Variants in ST6GALNAC3 observed in about 807,000 individuals in gnomAD.
ST6GALNAC3 encodes ST6 N-acetylgalactosaminide alpha-2,6-sialyltransferase 3, also known as alpha-N-acetylgalactosaminide alpha-2,6-sialyltransferase 3.
In ST6GALNAC3, 25 loss-of-function variants were observed where a neutral mutation model predicts 32.7. The observed-to-expected ratio is 0.76, with a 90% CI of 0.56 to 1.07. The LOEUF is 1.07. Among genes scored for constraint, ST6GALNAC3 ranks in the 50% least tolerant of loss-of-function variants. The probability of loss-of-function intolerance (pLI) is 0.00; values close to 1 mark genes in which losing one functional copy is unlikely to be tolerated. For synonymous variants in ST6GALNAC3, 129 were observed against 133.1 expected (o/e 0.97, Z 0.21); for missense variants, 355 against 382.4 (o/e 0.93, Z 0.60).
intron 1 of ST6GALNAC3, among the ~76,000 whole-genome samples, chr1:76,285,753 G>A (rs1659739308): frequency 1.3e-5 from 2 of 152,104 alleles, no homozygotes; most frequent in Admixed American, 6.5e-5. Flanking sequence ...ATAGATAGAT[G>A]CAGAGAGATT....
chr1:76,462,290 C>T (rs1369767292), intron 3 of ST6GALNAC3, among the ~76,000 whole-genome samples: 1 of 152,110 alleles, frequency 6.6e-6, no homozygotes, highest in Non-Finnish European at 1.5e-5. Context: ...TGCTCTCTCC[C>T]CCAACTCTTA....
rs1411091351 is a variant in ST6GALNAC3, at chr1:76,252,486, C to T, written c.19-61319C>T. 2.6e-5 allele frequency among the ~76,000 whole-genome samples: 4 copies of T among 152,208 alleles called. No homozygotes were observed. The East Asian group carries it at 7.7e-4, about 29-fold the overall frequency. On this transcript the variant is annotated intron_variant, in intron 1 of 4. Coordinates refer to ENST00000328299, the MANE Select transcript of ST6GALNAC3 (RefSeq NM_152996.4). ...AAAAAGTGTGTATCTGTTATCTAAC[C>T]AGCCTGGGAAAATACAGATGATATT...
At chr1:76,236,957 C>G (rs1215433336) in intron 1 of ST6GALNAC3, among the ~76,000 whole-genome samples, 1 of 152,070 alleles carries the variant, frequency 6.6e-6, no homozygotes, top group Non-Finnish European at 1.5e-5. Flanking sequence ...AACAGAGTCC[C>G]TGAACCTGTG....
intron 3 of ST6GALNAC3, among the ~76,000 whole-genome samples, chr1:76,479,103 G>T (rs146771394): frequency 7.0e-4 from 107 of 152,168 alleles, no homozygotes; most frequent in African/African-American, 2.4e-3. Flanking sequence ...CTGTAAGTAT[G>T]CTTAACCTGG....
chr1:76,112,975 G>T (rs991665200), intron 1 of ST6GALNAC3, among the ~76,000 whole-genome samples: 83 of 152,264 alleles, frequency 5.5e-4, no homozygotes, highest in African/African-American at 1.4e-3. Flanking sequence ...ACTTTGGGGG[G>T]CCAAGGCAGG....
intron 2 of ST6GALNAC3, among the ~76,000 whole-genome samples, chr1:76,349,173 C>A (rs764508931): frequency 2.0e-5 from 3 of 152,134 alleles, no homozygotes; most frequent in Non-Finnish European, 4.4e-5. Context: ...CCCCTAGACT[C>A]TCATAGGGAA....
At chr1:76,469,311 A>G (rs1287468836) in intron 3 of ST6GALNAC3, among the ~76,000 whole-genome samples, 1 of 152,058 alleles carries the variant, frequency 6.6e-6, no homozygotes, top group East Asian at 1.9e-4. Context: ...TTGAGGGACG[A>G]TATCTAATAG....
intron 1 of ST6GALNAC3, among the ~76,000 whole-genome samples, chr1:76,262,713 C>T (rs533365624): frequency 2.6e-5 from 4 of 152,140 alleles, no homozygotes; most frequent in Non-Finnish European, 4.4e-5. Flanking sequence ...GACAAACAAG[C>T]GGGTAGTAAT....
In ST6GALNAC3 at chr1:76,133,987, T is replaced by C. The variant is rs368275526; in HGVS notation, c.18+59103T>C. 3.9e-5 allele frequency among the ~76,000 whole-genome samples: 6 copies of C among 152,310 alleles called. No homozygotes were observed. In the East Asian group the frequency reaches 5.8e-4, roughly 15 times the overall value. On this transcript the variant is annotated intron_variant, in intron 1 of 4. Coordinates refer to ENST00000328299, the MANE Select transcript of ST6GALNAC3 (RefSeq NM_152996.4). ...AATCCCAGCACTCCATCTAGTCATA[T>C]AGATAAGTGGAGCTGTCCAGGAGCC... is the stretch of plus-strand genomic sequence containing the variant.
chr1:76,272,690 G>T (rs2210831), intron 1 of ST6GALNAC3, among the ~76,000 whole-genome samples: 21,556 of 152,102 alleles, frequency 0.14, 2,715 homozygotes, highest in East Asian at 0.34. Flanking sequence ...CTATCATCAG[G>T]TGTCATCTTT....
At chr1:76,102,606 C>T (rs1464602859) in intron 1 of ST6GALNAC3, among the ~76,000 whole-genome samples, 2 of 151,952 alleles carry the variant, frequency 1.3e-5, no homozygotes, top group African/African-American at 4.8e-5. Context: ...GGTGCTTACA[C>T]TAGAGATTAT....
intron 1 of ST6GALNAC3, among the ~76,000 whole-genome samples, chr1:76,240,065 G>C (rs558175612): frequency 3.3e-4 from 51 of 152,256 alleles, no homozygotes; most frequent in African/African-American, 1.1e-3. Context: ...TCAAATCCAA[G>C]AACTATTACT....
Position 76,074,901 on chromosome 1 carries a change from G to T in ST6GALNAC3, c.18+17G>T, listed in dbSNP as rs776680175. On this transcript the variant is annotated intron_variant, in intron 1 of 4. Transcript: ENST00000328299. ...ATCCTGAAGGTAACGACTTGGATCT[G>T]TGGCTCGGACGCGTGGTTGGCCAGC... 3.0e-5 allele frequency: 48 copies of T among 1,587,946 alleles called. No individual in the cohort carries two copies. The highest frequency in any genetic ancestry group is 3.9e-5 in the Non-Finnish European group (46 of 1,167,928).
chr1:76,571,847 T>C (rs1665880910), intron 3 of ST6GALNAC3, among the ~76,000 whole-genome samples: 1 of 152,204 alleles, frequency 6.6e-6, no homozygotes, highest in African/African-American at 2.4e-5. Flanking sequence ...TCCTTAATTC[T>C]TAACTAAGAA....
At chr1:76,447,019 G>C (rs1571256147) in intron 3 of ST6GALNAC3, among the ~76,000 whole-genome samples, 1 of 152,314 alleles carries the variant, frequency 6.6e-6, no homozygotes, top group East Asian at 1.9e-4. Flanking sequence ...GTAACAGGAA[G>C]AGGTTGGAAC....
intron 1 of ST6GALNAC3, among the ~76,000 whole-genome samples, chr1:76,110,578 G>T (rs1201024570): frequency 6.6e-6 from 1 of 152,210 alleles, no homozygotes; most frequent in Non-Finnish European, 1.5e-5. Context: ...TGAGTAGGTT[G>T]TATTAGGTGA....
intron 4 of ST6GALNAC3, 50 bp downstream of exon 4, chr1:76,627,609 T>G (rs549195048): frequency 1.6e-6 from 2 of 1,269,698 alleles, no homozygotes; most frequent in Non-Finnish European, 2.3e-6. Flanking sequence ...GGAGATCTTG[T>G]CAAAATATCA....
chr1:76,226,219 G>A (rs1027755626), intron 1 of ST6GALNAC3, among the ~76,000 whole-genome samples: 1 of 152,158 alleles, frequency 6.6e-6, no homozygotes, highest in African/African-American at 2.4e-5. Context: ...ACTTAATGCT[G>A]TATGTTTCTT....
intron 1 of ST6GALNAC3, among the ~76,000 whole-genome samples, chr1:76,236,127 T>C (rs1280862547): frequency 3.9e-5 from 6 of 152,066 alleles, no homozygotes; most frequent in African/African-American, 1.4e-4. Context: ...TGCGTATTTT[T>C]AATAGAGACA....
Sources: allele counts gnomAD v4.1 joint callset (sites outside exome capture counted in the v4.1 genomes callset), GRCh38; gene constraint gnomAD v4.1.1; transcripts MANE v1.5; gene names NCBI Gene and HGNC (gene_info 2026-07-23, HGNC 2026-07-21).